The following USP34 variants were observed in gnomAD, a reference collection of about 807,000 sequenced individuals.
USP34 encodes ubiquitin specific peptidase 34.
USP34 carries 70 observed loss-of-function variants against 460.3 expected under a neutral mutation model. The observed-to-expected ratio is 0.15, with a 90% confidence interval of 0.13 to 0.19. The LOEUF (loss-of-function observed/expected upper bound fraction) is 0.19, where lower values mean the gene tolerates loss of function less well. Ranked by LOEUF, USP34 falls within the 10% of genes least tolerant of loss-of-function variation. The pLI, the probability that USP34 is intolerant of heterozygous loss-of-function variation, is 1.00. For synonymous variants in USP34, 1,647 were observed against 1,405.3 expected (o/e 1.17, Z -3.85); for missense variants, 3,985 against 4,236.2 (o/e 0.94, Z 1.65).
intron 1 of USP34, among the ~76,000 whole-genome samples, chr2:61,462,121 C>T (rs1431551126): frequency 1.3e-5 from 2 of 151,654 alleles, no homozygotes; most frequent in African/African-American, 4.9e-5. Context: ...TGCCTGTAAT[C>T]ACAGCTACCC....
chr2:61,233,904 G>T (rs1687989918), intron 57 of USP34, among the ~76,000 whole-genome samples: 1 of 151,840 alleles, frequency 6.6e-6, no homozygotes, highest in Admixed American at 6.6e-5. Context: ...GGGAGTGAAT[G>T]AAATTGTGGT....
chr2:61,416,238 C>T (rs1694189624), intron 2 of USP34, among the ~76,000 whole-genome samples: 1 of 152,198 alleles, frequency 6.6e-6, no homozygotes, highest in Admixed American at 6.5e-5. Flanking sequence ...GAGTGAACCA[C>T]ATACATTTAA....
rs1173593814 is a variant in USP34 at position 61,223,326 on chromosome 2, T to C, written c.7596-30A>G. 3 of 1,603,388 alleles carry C rather than the reference T, an allele frequency of 1.9e-6. No homozygotes were observed. In the South Asian group the frequency reaches 3.4e-5, roughly 18 times the overall value. ...AAGAAAATATTAGTGGAAATAAGTTTTTCTTCCTTCTGTATTACTTTACAG... is the reference window on the plus strand; with the variant it reads ...AAGAAAATATTAGTGGAAATAAGTTCTTCTTCCTTCTGTATTACTTTACAG... On this transcript the variant is annotated intron_variant, in intron 62 of 79. Transcript: ENST00000398571.
chr2:61,426,882 A>C lies in USP34; in HGVS notation c.44-6049T>G, dbSNP rs538500720. Among the ~76,000 whole-genome samples the C allele has an allele frequency of 2.6e-5, 4 of 152,352 alleles. No homozygotes were observed. The East Asian group carries it at 5.8e-4, about 22-fold the overall frequency. Reference sequence around the variant, plus strand: ...CAGCGAGACCGTGTGTTTGGGAGAAAGTAAGGAAAGAGAACAAGAGTCTCC... The same window carrying C: ...CAGCGAGACCGTGTGTTTGGGAGAACGTAAGGAAAGAGAACAAGAGTCTCC... On this transcript the variant is annotated intron_variant, in intron 1 of 79. Coordinates refer to ENST00000398571, the MANE Select transcript of USP34 (RefSeq NM_014709.4).
At chr2:61,282,335 A>T (rs1011511754) in intron 37 of USP34, among the ~76,000 whole-genome samples, 2 of 152,342 alleles carry the variant, frequency 1.3e-5, no homozygotes, top group East Asian at 3.9e-4. Context: ...TTGGAGCTAA[A>T]TATATTACTG....
In USP34 at chr2:61,319,340, T is replaced by C; in HGVS notation, c.3014-13A>G. 6.6e-7 allele frequency: 1 copy of C among 1,507,640 alleles called. No homozygotes were observed. The highest frequency in any genetic ancestry group is 8.8e-7 in the Non-Finnish European group (1 of 1,134,132). 93.4% of individuals were successfully genotyped at this position (1,507,640 alleles called of 1,614,324 possible). A position where few individuals can be genotyped will look rare whatever the true frequency, so the allele number is the denominator to read the frequency against. ...TCTAAACTTAACCCTAGATAAAAAT[T>C]ATAAATTTTATACTTTATTAACTAC... On this transcript the variant is annotated splice_polypyrimidine_tract_variant and intron_variant, in intron 21 of 79. Coordinates refer to ENST00000398571, the MANE Select transcript of USP34 (RefSeq NM_014709.4).
At chr2:61,283,991 AG>A (rs1689614178) in intron 35 of USP34, among the ~76,000 whole-genome samples, 1 of 152,200 alleles carries the variant, frequency 6.6e-6, no homozygotes. Context: ...CAGATAGAGC[AG>A]GAAGTTTTGA....
chr2:61,368,389 G>A (rs1005093534), intron 10 of USP34, among the ~76,000 whole-genome samples: 2 of 151,384 alleles, frequency 1.3e-5, no homozygotes, highest in African/African-American at 2.4e-5. Context: ...CCAAGATCAC[G>A]CCACTGCACT....
chr2:61,345,720 G>C (rs559122983), intron 15 of USP34, among the ~76,000 whole-genome samples: 2 of 152,104 alleles, frequency 1.3e-5, no homozygotes, highest in Admixed American at 6.6e-5. Context: ...CTGCAGTCTT[G>C]ATCTCCTGGA....
chr2:61,227,032 C>G, intron 62 of USP34, 35 bp downstream of exon 62: 1 of 1,554,410 alleles, frequency 6.4e-7, no homozygotes, highest in Non-Finnish European at 8.6e-7. Flanking sequence ...TAAAACCAAA[C>G]ATGCTTTAAA....
intron 3 of USP34, among the ~76,000 whole-genome samples, chr2:61,399,422 G>A (rs1693642196): frequency 6.6e-6 from 1 of 151,802 alleles, no homozygotes; most frequent in Admixed American, 6.6e-5. Context: ...TGGTGATTCA[G>A]GGGAACTGTT....
At chr2:61,409,201 T>C (rs1368965262) in intron 2 of USP34, among the ~76,000 whole-genome samples, 1 of 151,330 alleles carries the variant, frequency 6.6e-6, no homozygotes, top group East Asian at 2.0e-4. Flanking sequence ...GCCTCGGTGA[T>C]AGAGGGAGAC....
At position 61,201,775 on chromosome 2, in the gene USP34, G is replaced by T. The variant is rs150071354; in HGVS notation, c.9508+1365C>A. Among the ~76,000 whole-genome samples the T allele has an allele frequency of 9.2e-5, 14 of 152,278 alleles. No homozygotes were observed. In the East Asian group the frequency reaches 2.7e-3, roughly 29 times the overall value. On this transcript the variant is annotated intron_variant, in intron 75 of 79. Transcript: ENST00000398571. The stretch of plus-strand genomic sequence containing the variant: ...TAAAGCTGTCCGAGTAGCTAGAATA[G>T]TTCCTCACGTAACTTTTAGTATAAA...
intron 1 of USP34, among the ~76,000 whole-genome samples, chr2:61,438,523 C>G (rs1460150951): frequency 6.6e-6 from 1 of 152,018 alleles, no homozygotes; most frequent in Admixed American, 6.6e-5. Flanking sequence ...CTGCTTGAAC[C>G]TGGGAGGCAG....
chr2:61,461,527 CTT>C (rs1441166658), intron 1 of USP34, among the ~76,000 whole-genome samples: 1 of 151,872 alleles, frequency 6.6e-6, no homozygotes, highest in African/African-American at 2.4e-5. Context: ...ACCAAAATAA[CTT>C]TTATTTTAAG....
At chr2:61,342,272 G>GA (rs949089591) in intron 16 of USP34, among the ~76,000 whole-genome samples, 1 of 149,346 alleles carries the variant, frequency 6.7e-6, no homozygotes, top group Non-Finnish European at 1.5e-5. Context: ...AAGAGACACT[G>GA]AGAGTGTACT....
intron 75 of USP34, among the ~76,000 whole-genome samples, chr2:61,202,596 G>A (rs1348909441): frequency 6.6e-6 from 1 of 152,126 alleles, no homozygotes; most frequent in Non-Finnish European, 1.5e-5. Context: ...ATTCACTGAT[G>A]GTTTTGTTTT....
chr2:61,216,903 G>T (rs1275302115), intron 67 of USP34, among the ~76,000 whole-genome samples: 1 of 150,574 alleles, frequency 6.6e-6, no homozygotes, highest in Non-Finnish European at 1.5e-5. Context: ...GGGCGATGGG[G>T]CAAGACTCCA....
chr2:61,398,004 G>C (rs530663742), intron 3 of USP34, among the ~76,000 whole-genome samples: 3 of 152,156 alleles, frequency 2.0e-5, no homozygotes, highest in African/African-American at 7.2e-5. Flanking sequence ...TTGGGGGAGG[G>C]GGGTTGCAGT....
Sources: gnomAD v4.1 joint callset for allele counts (sites outside exome capture counted in the v4.1 genomes callset) on GRCh38, gnomAD v4.1.1 for gene constraint, MANE v1.5 for transcripts, NCBI Gene and HGNC (gene_info 2026-07-23, HGNC 2026-07-21) for gene names.